Variants in CCDC88A observed in about 807,000 individuals in gnomAD.
CCDC88A encodes girdin.
A neutral mutation model predicts 234.3 loss-of-function variants in CCDC88A; 54 were observed. The ratio of observed to expected loss-of-function variants is 0.23; its 90% CI spans 0.19 to 0.29. CCDC88A has a LOEUF of 0.29. Ranked by LOEUF, CCDC88A falls within the 10% of genes least tolerant of loss-of-function variation. CCDC88A has a pLI of 1.00. For synonymous variants in CCDC88A, 753 were observed against 737.8 expected (o/e 1.02, Z -0.33); for missense variants, 1,832 against 2,123.4 (o/e 0.86, Z 2.70).
rs780364426 is a variant in CCDC88A, at chr2:55,334,879, T to A, written c.1942A>T (p.Ile648Leu). 1.2e-5 allele frequency: 18 copies of A among 1,515,004 alleles called. No individual in the cohort carries two copies. The highest frequency in any genetic ancestry group is 1.6e-5 in the Non-Finnish European group (18 of 1,116,358). The allele number at this position is 1,515,004 out of a possible 1,614,324, so 93.8% of individuals were successfully genotyped here. Residue 648 changes from isoleucine to leucine, a missense_variant, in exon 15 of 33, where the codon ATA (isoleucine) becomes TTA (leucine). Physicochemically the swap from Ile to Leu is conservative, Grantham distance 5. Around this residue, in one of 6 missense-constraint regions of CCDC88A, gnomAD observed 1,282 missense variants for 1,543.6 expected, o/e 0.83. Coordinates refer to ENST00000436346, the MANE Select transcript of CCDC88A (RefSeq NM_001365480.1). The surrounding 1 kb of genome is among the most constrained non-coding windows in gnomAD (Gnocchi z 6.1). ...EKENELLQKK[I>L]TNLKITCEKI... ...TCACAAGTAATTTTTAAATTAGTTA[T>A]TTTTTTCTGTAATAATTCATTTTCT... is the stretch of plus-strand genomic sequence containing the variant.
At chr2:55,396,384 A>T (rs1476989522) in intron 2 of CCDC88A, among the ~76,000 whole-genome samples, 2 of 152,116 alleles carry the variant, frequency 1.3e-5, no homozygotes, top group Non-Finnish European at 2.9e-5. Flanking sequence ...CATACCTCTC[A>T]TCTATGACTG....
At chr2:55,411,560 C>G (rs574259155) in intron 2 of CCDC88A, among the ~76,000 whole-genome samples, 1 of 151,686 alleles carries the variant, frequency 6.6e-6, no homozygotes, top group East Asian at 1.9e-4. Context: ...GGACAGATCA[C>G]TTGAGGTCAG....
chr2:55,353,237 C>T (rs1449269411), intron 8 of CCDC88A, among the ~76,000 whole-genome samples: 2 of 152,200 alleles, frequency 1.3e-5, no homozygotes, highest in East Asian at 3.9e-4. Context: ...AGTGCAAAAC[C>T]TTAAACGAAT....
chr2:55,388,941 T>A, intron 2 of CCDC88A, 55 bp from the exon 3 acceptor site: 1 of 522,242 alleles, frequency 1.9e-6, no homozygotes. Flanking sequence ...TATCAATCTA[T>A]ATATAATTAA....
intron 21 of CCDC88A, chr2:55,316,742 C>CT (rs1421844775): frequency 2.8e-4 from 42 of 147,914 alleles, no homozygotes; most frequent in African/African-American, 5.9e-4. Flanking sequence ...CTCTCTCTCT[C>CT]TTTTTTTTTT....
At position 55,290,788 on chromosome 2, in the gene CCDC88A, C is replaced by G. The variant is rs1679389043; in HGVS notation, c.*412G>C. 1 of 152,474 alleles carries G rather than the reference C, an allele frequency of 6.6e-6. No individual in the cohort carries two copies. The highest frequency in any genetic ancestry group is 2.4e-5 in the African/African-American group (1 of 41,414). The allele number at this position is 152,474 out of a possible 1,614,324, so 9.4% of individuals were successfully genotyped here. A position where few individuals can be genotyped will look rare whatever the true frequency, so the allele number is the denominator to read the frequency against. ...ATATAAATGGCTAGATTTTGGCTAA[C>G]ACTTAGCAGAAGCATTAAGCAAACA... On this transcript the variant is annotated 3_prime_UTR_variant, in exon 33 of 33. Coordinates refer to ENST00000436346, the MANE Select transcript of CCDC88A (RefSeq NM_001365480.1).
intron 18 of CCDC88A, 39 bp downstream of exon 18, chr2:55,322,489 T>TA (rs752221100): frequency 1.2e-4 from 152 of 1,241,942 alleles, no homozygotes; most frequent in South Asian, 1.2e-4. Context: ...CCTCTATTTC[T>TA]AAAAAAAACT....
intron 8 of CCDC88A, 114 bp from the exon 9 acceptor site, chr2:55,349,713 C>A: frequency 1.6e-6 from 1 of 633,782 alleles, no homozygotes; most frequent in Non-Finnish European, 2.7e-6. Context: ...ATAGTATTAG[C>A]CATAACCCTA....
chr2:55,332,789 C>G lies in CCDC88A; in HGVS notation c.2728-96G>C. 1 of 1,037,844 alleles carries G rather than the reference C, an allele frequency of 9.6e-7. No homozygotes were observed. Among genetic ancestry groups the G allele is most frequent in the Non-Finnish European group, 1.4e-6 (1 of 699,724 alleles). 64.3% of individuals were successfully genotyped at this position (1,037,844 alleles called of 1,614,324 possible). On this transcript the variant is annotated intron_variant, in intron 15 of 32. Coordinates refer to ENST00000436346, the MANE Select transcript of CCDC88A (RefSeq NM_001365480.1). This position sits in a 1 kb window ranked among gnomAD's most constrained non-coding sequence, Gnocchi z 4.5. ...TTCTAATTACCACCATCTAGGAATA[C>G]ATGTAATTTGAACCAGGAAATGTCA...
At chr2:55,384,273 C>T (rs188823743) in intron 3 of CCDC88A, among the ~76,000 whole-genome samples, 9 of 146,478 alleles carry the variant, frequency 6.1e-5, no homozygotes, top group Admixed American at 1.4e-4. Flanking sequence ...TGCAGTAAGC[C>T]GAGATTGCAC....
chr2:55,332,703 A>G lies in CCDC88A; in HGVS notation c.2728-10T>C. The G allele has an allele frequency of 6.2e-7, 1 of 1,612,266 alleles. No individual in the cohort carries two copies. The highest frequency in any genetic ancestry group is 8.5e-7 in the Non-Finnish European group (1 of 1,179,128). The stretch of plus-strand genomic sequence containing the variant: ...TTTCACTCACCAAATCCTTATTTTA[A>G]AAGAAATGCAAAACTCACCTAAGTG... On this transcript the variant is annotated splice_polypyrimidine_tract_variant and intron_variant, in intron 15 of 32. Coordinates refer to ENST00000436346, the MANE Select transcript of CCDC88A (RefSeq NM_001365480.1). The surrounding 1 kb of genome is among the most constrained non-coding windows in gnomAD (Gnocchi z 4.5).
At chr2:55,388,451 A>T (rs1015650814) in intron 3 of CCDC88A, 29 of 13,362 alleles carry the variant, frequency 2.2e-3, no homozygotes, top group Non-Finnish European at 4.9e-3. Flanking sequence ...TTTTTTTTTA[A>T]AAAAAATGGA....
intron 28 of CCDC88A, 75 bp downstream of exon 28, chr2:55,301,131 C>G: frequency 1.2e-6 from 1 of 835,438 alleles, no homozygotes; most frequent in Non-Finnish European, 2.0e-6. Flanking sequence ...ACGCATTCAC[C>G]TATTAAAGGC....
chr2:55,307,262 G>A (rs1205281394), intron 25 of CCDC88A, among the ~76,000 whole-genome samples: 3 of 151,796 alleles, frequency 2.0e-5, no homozygotes, highest in African/African-American at 7.3e-5. Context: ...AAATTAAAAG[G>A]TTATAATTGT....
rs970970103 is a variant in CCDC88A, at chr2:55,384,540, C to T, written c.273+4238G>A. On this transcript the variant is annotated intron_variant, in intron 3 of 32. Coordinates refer to ENST00000436346, the MANE Select transcript of CCDC88A (RefSeq NM_001365480.1). Reference sequence around the variant, plus strand: ...TAAATTATATATATATACATATATACGTATATATGTGTATATATACACATA... The same window carrying T: ...TAAATTATATATATATACATATATATGTATATATGTGTATATATACACATA... 2.8e-4 allele frequency among the ~76,000 whole-genome samples: 12 copies of T among 43,216 alleles called. 2 individuals are homozygous for T. Among genetic ancestry groups the T allele is most frequent in the Admixed American group, 6.8e-4 (2 of 2,932 alleles). The allele number at this position is 43,216 out of a possible 152,430, so 28.4% of individuals were successfully genotyped here.
At position 55,390,053 on chromosome 2, in the gene CCDC88A, A is replaced by AAAAAAAAAAG. The variant is rs377022377; in HGVS notation, c.165-1168_165-1167insCTTTTTTTTT. On this transcript the variant is annotated intron_variant, in intron 2 of 32. Coordinates refer to ENST00000436346, the MANE Select transcript of CCDC88A (RefSeq NM_001365480.1). ...GAGACTCAAAAAAAAAAAAAAATAAAAAATAAAGATAGAACATTTCAAAGT... is the reference window on the plus strand; with the variant it reads ...GAGACTCAAAAAAAAAAAAAAATAAAAAAAAAAAAGAAATAAAGATAGAACATTTCAAAGT... Among the ~76,000 whole-genome samples, 136 of 79,754 alleles carry AAAAAAAAAAG rather than the reference A, an allele frequency of 1.7e-3. 20 individuals carry two copies. The highest frequency in any genetic ancestry group is 3.8e-3 in the East Asian group (7 of 1,850). 52.3% of individuals were successfully genotyped at this position (79,754 alleles called of 152,430 possible). A position where few individuals can be genotyped will look rare whatever the true frequency, so the allele number is the denominator to read the frequency against.
At position 55,416,435 on chromosome 2, in the gene CCDC88A, AATAAATAAATAT is replaced by A. The variant is rs1445655380; in HGVS notation, c.164+2369_164+2380del. ...AAAGGGTGAAGAGGTCAAATAAATAAATAAATAAATATATATATATATATATATATATATATA... is the reference window on the plus strand; with the variant it reads ...AAAGGGTGAAGAGGTCAAATAAATAAATATATATATATATATATATATATA... On this transcript the variant is annotated intron_variant, in intron 2 of 32. Transcript: ENST00000436346. Among the ~76,000 whole-genome samples, 154 of 29,486 alleles carry A rather than the reference AATAAATAAATAT, an allele frequency of 5.2e-3. 1 individual carries two copies. The highest frequency in any genetic ancestry group is 0.016 in the African/African-American group (143 of 9,154). 19.3% of individuals were successfully genotyped at this position (29,486 alleles called of 152,430 possible).
intron 5 of CCDC88A, among the ~76,000 whole-genome samples, chr2:55,366,796 A>G (rs999021670): frequency 1.3e-5 from 2 of 152,204 alleles, no homozygotes; most frequent in Admixed American, 1.3e-4. Flanking sequence ...ATACTAAAAT[A>G]GAGGAAATGG....
chr2:55,396,234 A>G (rs1677527735), intron 2 of CCDC88A, among the ~76,000 whole-genome samples: 1 of 152,252 alleles, frequency 6.6e-6, no homozygotes, highest in Admixed American at 6.5e-5. Flanking sequence ...CAGAGTAAGA[A>G]CAACACCAGT....
Sources: gnomAD v4.1 joint callset for allele counts (sites outside exome capture counted in the v4.1 genomes callset) on GRCh38, gnomAD v4.1.1 for gene constraint, gnomAD v4.1.1 regional missense constraint, Gnocchi (gnomAD v3.1) non-coding constraint, MANE v1.5 for transcripts, NCBI Gene and HGNC (gene_info 2026-07-23, HGNC 2026-07-21) for gene names.